The following PARP8 variants were observed in gnomAD, a reference collection of about 807,000 sequenced individuals.
PARP8 encodes the protein protein mono-ADP-ribosyltransferase PARP8.
Under a neutral mutation model 124.1 loss-of-function variants are expected in PARP8, and 51 were observed. That is an observed-to-expected ratio of 0.41 (90% confidence interval 0.33 to 0.52). PARP8 has a LOEUF of 0.52. Among genes scored for constraint, PARP8 ranks in the 20% least tolerant of loss-of-function variants. PARP8 has a pLI of 0.21. For missense variants in PARP8, 860 were observed against 1,018.9 expected, an observed-to-expected ratio of 0.84 and a Z score of 2.12; for synonymous variants, 391 against 361.5, an observed-to-expected ratio of 1.08 and a Z score of -0.93.
chr5:50,827,114 T>G (rs780044539), intron 19 of PARP8, among the ~76,000 whole-genome samples: 3 of 152,138 alleles, frequency 2.0e-5, no homozygotes, highest in African/African-American at 2.4e-5. Flanking sequence ...TTAATGTGCT[T>G]TATAATCGTT....
At chr5:50,812,224 T>C (rs900922276) in intron 14 of PARP8, among the ~76,000 whole-genome samples, 1 of 152,174 alleles carries the variant, frequency 6.6e-6, no homozygotes. Context: ...GTAAAAACAT[T>C]CCAGTTTCTT....
At chr5:50,748,412 T>C (rs1481263403) in intron 2 of PARP8, among the ~76,000 whole-genome samples, 1 of 152,164 alleles carries the variant, frequency 6.6e-6, no homozygotes, top group African/African-American at 2.4e-5. Flanking sequence ...TTTTTAACAG[T>C]CGAATGTATT....
At chr5:50,739,414 T>C (rs1451264568) in intron 2 of PARP8, among the ~76,000 whole-genome samples, 1 of 151,636 alleles carries the variant, frequency 6.6e-6, no homozygotes, top group Non-Finnish European at 1.5e-5. Context: ...GGGGAGGGAG[T>C]TGAGAAATCA....
At chr5:50,665,997 A>G (rs546709764), upstream of PARP8, 2 of 152,260 alleles carry the variant, frequency 1.3e-5, no homozygotes, top group African/African-American at 4.8e-5. Flanking sequence ...TCCATCTTTT[A>G]GGAAGACCCT....
rs772211703 is a variant in PARP8 at position 50,763,215 on chromosome 5, T to G, written c.491T>G (p.Ile164Arg). 4 of 1,612,770 alleles carry G rather than the reference T, an allele frequency of 2.5e-6. No individual in the cohort carries two copies. In the South Asian group the frequency reaches 4.4e-5, roughly 18 times the overall value. Residue 164 changes from isoleucine (I) to arginine (R), a missense_variant, in exon 7 of 26, where the codon ATA becomes AGA. Ile to Arg is a moderately conservative substitution (Grantham distance 97). Around this residue, in one of 2 missense-constraint regions of PARP8, gnomAD observed 517 missense variants for 544.2 expected, o/e 0.95. Coordinates refer to ENST00000281631, the MANE Select transcript of PARP8 (RefSeq NM_024615.4). ...LEADLSAVRE[I>R]YGPHAVSLRE... ...GCTGATTTGTCAGCAGTTAGAGAGA[T>G]ATATGGGCCACATGCAGTTTCTCTC... is the stretch of plus-strand genomic sequence containing the variant.
intron 16 of PARP8, among the ~76,000 whole-genome samples, chr5:50,822,072 A>G (rs1049249813): frequency 1.3e-5 from 2 of 152,208 alleles, no homozygotes; most frequent in Non-Finnish European, 2.9e-5. Context: ...CAGGAGCCCC[A>G]TAACTTTTTT....
intron 2 of PARP8, among the ~76,000 whole-genome samples, chr5:50,736,111 C>T (rs1046147734): frequency 3.3e-5 from 5 of 151,990 alleles, no homozygotes; most frequent in African/African-American, 1.2e-4. Flanking sequence ...ACACCATCAA[C>T]AATAACAACA....
intron 5 of PARP8, among the ~76,000 whole-genome samples, chr5:50,761,160 C>A (rs1340610441): frequency 6.6e-6 from 1 of 152,060 alleles, no homozygotes; most frequent in Non-Finnish European, 1.5e-5. Context: ...CAAATACCTA[C>A]ATTTCTCCTG....
chr5:50,758,690 C>G (rs1239923575), intron 3 of PARP8, among the ~76,000 whole-genome samples: 8 of 152,106 alleles, frequency 5.3e-5, no homozygotes, highest in Non-Finnish European at 8.8e-5. Flanking sequence ...ATTATAGGAC[C>G]ATTATTAATG....
intron 2 of PARP8, among the ~76,000 whole-genome samples, chr5:50,738,432 A>G (rs1757694456): frequency 6.6e-6 from 1 of 152,182 alleles, no homozygotes; most frequent in Non-Finnish European, 1.5e-5. Flanking sequence ...CAAATTGTGT[A>G]TTTACTACAT....
In PARP8 at chr5:50,715,011, C is replaced by CT. The variant is rs144190430; in HGVS notation, c.147-35132dup. Among the ~76,000 whole-genome samples the CT allele has an allele frequency of 1.0e-3, 156 of 151,832 alleles. 1 individual carries two copies. The highest frequency in any genetic ancestry group is 3.7e-3 in the African/African-American group (153 of 41,408). ...TTCTTGCTGTCTTTGTGAATTTATG[C>CT]TTTTTTTTCCTTTCATTTTCTGTAA... On this transcript the variant is annotated intron_variant, in intron 2 of 25. Coordinates refer to ENST00000281631, the MANE Select transcript of PARP8 (RefSeq NM_024615.4).
chr5:50,818,186 C>G (rs948064257), intron 15 of PARP8, among the ~76,000 whole-genome samples: 1 of 144,926 alleles, frequency 6.9e-6, no homozygotes, highest in African/African-American at 2.5e-5. Flanking sequence ...GCCCCCCCCC[C>G]CCCAAAAAAA....
intron 7 of PARP8, among the ~76,000 whole-genome samples, chr5:50,764,135 G>A (rs1760831649): frequency 1.3e-5 from 2 of 152,160 alleles, no homozygotes; most frequent in Non-Finnish European, 2.9e-5. Context: ...CTGTTCTCTG[G>A]ACTTCCATCA....
intron 2 of PARP8, among the ~76,000 whole-genome samples, chr5:50,706,211 TTAG>T (rs1754134350): frequency 1.3e-5 from 2 of 152,192 alleles, no homozygotes; most frequent in South Asian, 4.1e-4. Context: ...CTACTGATTA[TTAG>T]TGAGTTTGGG....
At chr5:50,669,194 A>G (rs748156533) in intron 2 of PARP8, 1 of 152,226 alleles carries the variant, frequency 6.6e-6, no homozygotes, top group Non-Finnish European at 1.5e-5. Context: ...AGTTGAAAAT[A>G]TAACAGTGAA....
At chr5:50,750,885 T>G (rs1759179564) in intron 3 of PARP8, among the ~76,000 whole-genome samples, 1 of 151,240 alleles carries the variant, frequency 6.6e-6, no homozygotes, top group Non-Finnish European at 1.5e-5. Context: ...TAGAGAAATT[T>G]TACTGGAAGA....
At chr5:50,831,809 G>C (rs1747017689) in intron 22 of PARP8, among the ~76,000 whole-genome samples, 1 of 152,092 alleles carries the variant, frequency 6.6e-6, no homozygotes, top group Admixed American at 6.6e-5. Flanking sequence ...CTTTTTTTCT[G>C]GAGAGGGAGC....
chr5:50,729,047 T>C (rs1236320935), intron 2 of PARP8, among the ~76,000 whole-genome samples: 3 of 152,056 alleles, frequency 2.0e-5, no homozygotes, highest in Non-Finnish European at 2.9e-5. Context: ...TCCAGTCTTA[T>C]GGAACACATT....
intron 15 of PARP8, among the ~76,000 whole-genome samples, chr5:50,817,256 C>T (rs1432606819): frequency 6.6e-6 from 1 of 152,074 alleles, no homozygotes. Flanking sequence ...ATGATTGATA[C>T]AAAGCACAAG....
Sources: allele counts gnomAD v4.1 joint callset (sites outside exome capture counted in the v4.1 genomes callset), GRCh38; gene constraint gnomAD v4.1.1; regional missense constraint gnomAD v4.1.1; transcripts MANE v1.5; gene names NCBI Gene and HGNC (gene_info 2026-07-23, HGNC 2026-07-21).